Variants in FRMPD2 observed in about 807,000 individuals in gnomAD.
The protein encoded by FRMPD2 is FERM and PDZ domain containing 2, also known as FERM and PDZ domain-containing protein 2.
A neutral mutation model predicts 140.1 loss-of-function variants in FRMPD2; 96 were observed. That is an observed-to-expected ratio of 0.69 (90% confidence interval 0.58 to 0.81). The LOEUF (loss-of-function observed/expected upper bound fraction) is 0.81, where lower values mean the gene tolerates loss of function less well. Among genes scored for constraint, FRMPD2 ranks in the 40% least tolerant of loss-of-function variants. FRMPD2 has a pLI of 0.00. For missense variants in FRMPD2, 1,240 were observed against 1,447.4 expected (o/e 0.86, Z 2.32); for synonymous variants, 449 against 547.6 (o/e 0.82, Z 2.52).
chr10:48,207,580 T>A (rs1839229862), intron 13 of FRMPD2, among the ~76,000 whole-genome samples: 1 of 152,206 alleles, frequency 6.6e-6, no homozygotes, highest in Non-Finnish European at 1.5e-5. Flanking sequence ...GGGGACTGCG[T>A]TAGGCCACCA....
In FRMPD2 at chr10:48,174,917, C is replaced by T. The variant is rs1351714785; in HGVS notation, c.3028G>A (p.Gly1010Ser). The T allele has an allele frequency of 2.4e-5, 16 of 669,362 alleles. No individual in the cohort carries two copies. The highest frequency in any genetic ancestry group is 4.9e-5 in the Admixed American group (2 of 40,628). The allele number at this position is 669,362 out of a possible 1,614,324, so 41.5% of individuals were successfully genotyped here. The change falls in exon 24 of 29, where the codon GGC becomes AGC. Residue 1010 changes from glycine (G) to serine (S), a missense_variant. This residue lies in a region of FRMPD2 where 22 missense variants were observed against 35.3 expected (regional missense o/e 0.62). Coordinates refer to ENST00000374201, the MANE Select transcript of FRMPD2 (RefSeq NM_001018071.4). ...TGCACAGCCTGCTTGTGGGTGAGGC[C>T]GCACAGAATCACTCCATCCACCTGC... ...LLQVDGVILC[G>S]LTHKQAVQCL...
At chr10:48,184,445 C>T in intron 20 of FRMPD2, 121 bp downstream of exon 20, 4 of 656,600 alleles carry the variant, frequency 6.1e-6, no homozygotes, top group Non-Finnish European at 5.4e-6. Flanking sequence ...TGCAAGCCAA[C>T]ACCATGAGGA....
intron 1 of FRMPD2, 124 bp from the exon 2 acceptor site, chr10:48,251,815 T>G: frequency 8.8e-7 from 1 of 1,135,232 alleles, no homozygotes; most frequent in Non-Finnish European, 1.3e-6. Context: ...CACTGTGTTT[T>G]CAGCACCTGG....
intron 1 of FRMPD2, 114 bp downstream of exon 1, chr10:48,274,429 C>T: frequency 1.1e-6 from 1 of 896,936 alleles, no homozygotes; most frequent in Non-Finnish European, 1.8e-6. Flanking sequence ...AGGGCACTGA[C>T]ACAGGTCCTT....
intron 13 of FRMPD2, among the ~76,000 whole-genome samples, chr10:48,207,262 G>T (rs540416782): frequency 2.0e-5 from 3 of 151,092 alleles, no homozygotes; most frequent in Middle Eastern, 3.4e-3. Context: ...AAGTTTTTTA[G>T]AATTCATACT....
chr10:48,189,466 C>T (rs918694186), intron 16 of FRMPD2, among the ~76,000 whole-genome samples: 4 of 152,324 alleles, frequency 2.6e-5, no homozygotes, highest in Admixed American at 6.5e-5. Flanking sequence ...ATGCCACTGG[C>T]GATGGGGTCC....
intron 16 of FRMPD2, among the ~76,000 whole-genome samples, chr10:48,188,167 G>C (rs1411838479): frequency 6.6e-6 from 1 of 152,106 alleles, no homozygotes; most frequent in Non-Finnish European, 1.5e-5. Flanking sequence ...CCACCCCTCA[G>C]AGCCCCACAG....
At chr10:48,228,858 T>G (rs991394612) in intron 10 of FRMPD2, among the ~76,000 whole-genome samples, 2 of 151,816 alleles carry the variant, frequency 1.3e-5, no homozygotes, top group South Asian at 2.1e-4. Context: ...AACAAATAAA[T>G]AAAGAAAAAA....
At chr10:48,203,670 T>C (rs1839138868) in intron 14 of FRMPD2, among the ~76,000 whole-genome samples, 3 of 152,208 alleles carry the variant, frequency 2.0e-5, no homozygotes, top group African/African-American at 7.2e-5. Context: ...ATTTGATACA[T>C]CTTTGTATGA....
chr10:48,257,117 C>A (rs550400279), intron 1 of FRMPD2, among the ~76,000 whole-genome samples: 1 of 152,122 alleles, frequency 6.6e-6, no homozygotes, highest in East Asian at 1.9e-4. Context: ...GCTATGGCCA[C>A]ATCACTCCAA....
intron 8 of FRMPD2, 31 bp downstream of exon 8, chr10:48,237,960 G>C (rs1396599130): frequency 6.2e-7 from 1 of 1,613,826 alleles, no homozygotes; most frequent in African/African-American, 1.3e-5. Flanking sequence ...AAGCCTCCTT[G>C]AGGAGTGTCC....
At chr10:48,244,697 A>G in intron 4 of FRMPD2, 87 bp downstream of exon 4, 2 of 979,558 alleles carry the variant, frequency 2.0e-6, no homozygotes, top group South Asian at 1.3e-5. Flanking sequence ...ATGTGTGCTC[A>G]GTAAATGTGG....
chr10:48,161,863 C>T (rs1397091151), intron 28 of FRMPD2, among the ~76,000 whole-genome samples: 2 of 150,932 alleles, frequency 1.3e-5, no homozygotes, highest in African/African-American at 4.9e-5. Context: ...TTTAAAATAC[C>T]ATTTTAAATA....
rs1389065639 is a variant in FRMPD2, at chr10:48,242,285, C to T, written c.443G>A (p.Arg148Gln). The part of the protein sequence containing the change: ...LTMCEDQPHR[R>Q]CTLQSVLEAC... ...TTCCAGAACCGACTGCAACGTGCAC[C>T]GCCTGTGAGGCTGGTCTTCACACAT... The change falls in exon 5 of 29, where the codon CGG becomes CAG. Residue 148 changes from arginine (R) to glutamine (Q), a missense_variant. Around this residue, in one of 6 missense-constraint regions of FRMPD2, gnomAD observed 1,161 missense variants for 1,055.9 expected, o/e 1.10. Coordinates refer to ENST00000374201, the MANE Select transcript of FRMPD2 (RefSeq NM_001018071.4). The T allele has an allele frequency of 1.6e-5, 26 of 1,613,982 alleles. No individual in the cohort carries two copies. Among genetic ancestry groups the T allele is most frequent in the South Asian group, 2.2e-5 (2 of 91,080 alleles).
intron 1 of FRMPD2, among the ~76,000 whole-genome samples, chr10:48,267,868 T>C (rs1840705393): frequency 6.6e-6 from 1 of 152,252 alleles, no homozygotes; most frequent in African/African-American, 2.4e-5. Flanking sequence ...GAACACGTTA[T>C]GCTAAAGTGA....
chr10:48,213,873 G>A (rs1297423210), intron 12 of FRMPD2, among the ~76,000 whole-genome samples: 2 of 152,212 alleles, frequency 1.3e-5, no homozygotes, highest in African/African-American at 2.4e-5. Context: ...TACTCTGTAA[G>A]ATACTTGAAA....
chr10:48,246,150 C>T (rs1840243906), intron 3 of FRMPD2, among the ~76,000 whole-genome samples: 1 of 133,192 alleles, frequency 7.5e-6, no homozygotes, highest in Admixed American at 6.7e-5. Context: ...GCAGCCACTT[C>T]TTTCTCATTA....
intron 1 of FRMPD2, among the ~76,000 whole-genome samples, chr10:48,263,403 T>C (rs902439334): frequency 6.7e-6 from 1 of 149,956 alleles, no homozygotes. Context: ...ACAACAAAAC[T>C]GATAAACCCA....
chr10:48,181,477 A>T (rs2047963692), intron 20 of FRMPD2, among the ~76,000 whole-genome samples: 1 of 152,116 alleles, frequency 6.6e-6, no homozygotes, highest in African/African-American at 2.4e-5. Context: ...CCTCTCCTGG[A>T]CACCCCACTG....
Sources: allele counts gnomAD v4.1 joint callset (sites outside exome capture counted in the v4.1 genomes callset), GRCh38; gene constraint gnomAD v4.1.1; regional missense constraint gnomAD v4.1.1; transcripts MANE v1.5; gene names NCBI Gene and HGNC (gene_info 2026-07-23, HGNC 2026-07-21).